The following IRF8 variants were observed in gnomAD, a reference collection of about 807,000 sequenced individuals.
The protein encoded by IRF8 is interferon consensus sequence binding protein 1.
In IRF8, 14 loss-of-function variants were observed where a neutral mutation model predicts 48.7. The ratio of observed to expected loss-of-function variants is 0.29; its 90% CI spans 0.19 to 0.45. The LOEUF is 0.45. Ranked by LOEUF, IRF8 falls within the 20% of genes least tolerant of loss-of-function variation. The pLI, the probability that IRF8 is intolerant of heterozygous loss-of-function variation, is 1.00. For synonymous variants in IRF8, 278 were observed against 227.3 expected (o/e 1.22, Z -2.01); for missense variants, 493 against 580.7 (o/e 0.85, Z 1.55).
At chr16:85,901,643 C>T (rs1567874860) in intron 1 of IRF8, among the ~76,000 whole-genome samples, 1 of 152,090 alleles carries the variant, frequency 6.6e-6, no homozygotes, top group African/African-American at 2.4e-5. Context: ...TGAACTCATC[C>T]CCTTTTAAAT....
chr16:85,919,660 A>G (rs752408737), intron 7 of IRF8, among the ~76,000 whole-genome samples: 1 of 152,100 alleles, frequency 6.6e-6, no homozygotes, highest in Non-Finnish European at 1.5e-5. Flanking sequence ...GGGGCCCAAG[A>G]TTCTACATTT....
intron 6 of IRF8, chr16:85,918,209 C>G (rs562221065): frequency 1.5e-4 from 86 of 586,310 alleles, no homozygotes; most frequent in African/African-American, 1.4e-3. Context: ...TATGTTCAGT[C>G]ATTGGTTTCC....
chr16:85,916,412 A>C (rs565545985), intron 6 of IRF8, among the ~76,000 whole-genome samples: 1 of 152,298 alleles, frequency 6.6e-6, no homozygotes, highest in African/African-American at 2.4e-5. Flanking sequence ...GAGTGGCTCT[A>C]TAAGGGCAGG....
chr16:85,899,568 A>T (rs74619664), intron 1 of IRF8, among the ~76,000 whole-genome samples: 1 of 152,184 alleles, frequency 6.6e-6, no homozygotes, highest in Non-Finnish European at 1.5e-5. Flanking sequence ...GCGCTCTATC[A>T]TCCCACTGAA....
intron 2 of IRF8, 32 bp downstream of exon 2, chr16:85,903,221 G>T (rs747145096): frequency 1.1e-5 from 17 of 1,569,612 alleles, no homozygotes; most frequent in Admixed American, 1.7e-5. Flanking sequence ...CCCACTGTGG[G>T]CACAGTGTCT....
chr16:85,899,493 T>C (rs1904753629), intron 1 of IRF8, among the ~76,000 whole-genome samples: 1 of 152,318 alleles, frequency 6.6e-6, no homozygotes, highest in African/African-American at 2.4e-5. Flanking sequence ...TTAAATCTGG[T>C]TTACATGGAA....
At chr16:85,921,082 T>C in intron 8 of IRF8, 24 bp from the exon 9 acceptor site, 1 of 1,602,238 alleles carries the variant, frequency 6.2e-7, no homozygotes, top group Non-Finnish European at 8.5e-7. Context: ...CCTCTGCCTC[T>C]GACTTTCTGC....
In IRF8 at chr16:85,900,197, G is replaced by C. The variant is rs116455373; in HGVS notation, c.-2+974G>C. On this transcript the variant is annotated intron_variant, in intron 1 of 8. Coordinates refer to ENST00000268638, the MANE Select transcript of IRF8 (RefSeq NM_002163.4). ...GCGAGTGCCCTGGGCCCTCCGAGGC[G>C]GGGGAGAGGGTGGGGTCTGCTGCTG... Among the ~76,000 whole-genome samples, 908 of 152,232 alleles carry C rather than the reference G, an allele frequency of 6.0e-3. 6 individuals carry two copies. The highest frequency in any genetic ancestry group is 0.021 in the African/African-American group (866 of 41,536).
At chr16:85,920,077 C>T (rs372443622) in intron 7 of IRF8, 32 bp from the exon 8 acceptor site, 1 of 1,550,206 alleles carries the variant, frequency 6.5e-7, no homozygotes, top group African/African-American at 1.4e-5. Context: ...CTCGGCCTTG[C>T]TTGCAAACAC....
chr16:85,913,417 G>A (rs1301879105), intron 5 of IRF8, 181 bp downstream of exon 5: 1 of 630,164 alleles, frequency 1.6e-6, no homozygotes, highest in African/African-American at 1.8e-5. Context: ...GCAGAGCCCA[G>A]CTGTGCCTTT....
chr16:85,899,574 C>G (rs1904759516), intron 1 of IRF8, among the ~76,000 whole-genome samples: 1 of 152,200 alleles, frequency 6.6e-6, no homozygotes, highest in African/African-American at 2.4e-5. Flanking sequence ...TATCATCCCA[C>G]TGAAATTCTA....
chr16:85,914,908 T>G (rs1905254930), intron 6 of IRF8, among the ~76,000 whole-genome samples: 1 of 150,950 alleles, frequency 6.6e-6, no homozygotes, highest in Non-Finnish European at 1.5e-5. Context: ...TTGAGGCCAC[T>G]TTTCTTGGAC....
Position 85,913,546 on chromosome 16 carries a change from G to A in IRF8, c.553+310G>A, listed in dbSNP as rs936752264. On this transcript the variant is annotated intron_variant, in intron 5 of 8. Coordinates refer to ENST00000268638, the MANE Select transcript of IRF8 (RefSeq NM_002163.4). ...AGGGAAGAGGGTCTAGTGAACTTGT[G>A]TAAGGCCAGAGGGAAGATGCAGCTC... is the stretch of plus-strand genomic sequence containing the variant. Among the ~76,000 whole-genome samples the A allele has an allele frequency of 5.9e-5, 9 of 152,366 alleles. No individual in the cohort carries two copies. The East Asian group carries it at 1.7e-3, about 29-fold the overall frequency.
chr16:85,902,757 A>G, intron 1 of IRF8: 1 of 521,100 alleles, frequency 1.9e-6, no homozygotes, highest in Non-Finnish European at 3.4e-6. Context: ...CAGCCAGCAC[A>G]GTGGGAGGGG....
chr16:85,917,278 C>T (rs891587991), intron 6 of IRF8, among the ~76,000 whole-genome samples: 1 of 152,312 alleles, frequency 6.6e-6, no homozygotes, highest in African/African-American at 2.4e-5. Flanking sequence ...ACTCACTAAG[C>T]TCATTGCTAG....
chr16:85,912,312 G>A (rs1905169188), intron 4 of IRF8, among the ~76,000 whole-genome samples: 1 of 152,214 alleles, frequency 6.6e-6, no homozygotes, highest in South Asian at 2.1e-4. Context: ...TGCTTTTCAT[G>A]GGTATTACAA....
chr16:85,921,200 A>C lies in IRF8; in HGVS notation c.1199A>C (p.Asp400Ala). Residue 400 changes from aspartate (D) to alanine (A), a missense_variant, in exon 9 of 9, where the codon GAC (aspartate) becomes GCC (alanine). By Grantham distance (126) the Asp-to-Ala change is moderately radical. Transcript: ENST00000268638. The part of the protein sequence containing the change: ...VMQAPEEPPP[D>A]QVFRMFPDIC... Reference sequence around the variant, plus strand: ...CAGGCCCCCGAGGAGCCGCCGCCAGACCAGGTCTTCCGGATGTTTCCAGAT... The same window carrying C: ...CAGGCCCCCGAGGAGCCGCCGCCAGCCCAGGTCTTCCGGATGTTTCCAGAT... The C allele has an allele frequency of 6.2e-7, 1 of 1,614,232 alleles. No individual in the cohort carries two copies. The highest frequency in any genetic ancestry group is 8.5e-7 in the Non-Finnish European group (1 of 1,180,036).
At position 85,903,161 on chromosome 16, in the gene IRF8, A is replaced by C; in HGVS notation, c.146A>C (p.Asn49Thr). ...AAACACGCTGGCAAGCAAGATTATA[A>C]TCAGGAAGTGGATGCCTCCATTTTT... ...PWKHAGKQDY[N>T]QEVDASIFKA... Residue 49 changes from asparagine (N) to threonine (T), a missense_variant, in exon 2 of 9, where the codon AAT (asparagine) becomes ACT (threonine). Asn to Thr is a moderately conservative substitution (Grantham distance 65). Around this residue, in one of 3 missense-constraint regions of IRF8, gnomAD observed 31 missense variants for 71.2 expected, o/e 0.44. Coordinates refer to ENST00000268638, the MANE Select transcript of IRF8 (RefSeq NM_002163.4). 1.2e-6 allele frequency: 2 copies of C among 1,614,166 alleles called. No individual in the cohort carries two copies. Among genetic ancestry groups the C allele is most frequent in the Non-Finnish European group, 1.7e-6 (2 of 1,180,034 alleles).
chr16:85,920,993 T>G, intron 8 of IRF8, 113 bp from the exon 9 acceptor site: 1 of 1,051,800 alleles, frequency 9.5e-7, no homozygotes, highest in Non-Finnish European at 1.4e-6. Context: ...GCTCATTCAC[T>G]TGGGACTCAC....
Sources: allele counts gnomAD v4.1 joint callset (sites outside exome capture counted in the v4.1 genomes callset), GRCh38; gene constraint gnomAD v4.1.1; regional missense constraint gnomAD v4.1.1; transcripts MANE v1.5; gene names NCBI Gene and HGNC (gene_info 2026-07-23, HGNC 2026-07-21).